ZSWIM6: variants seen among roughly 807,000 people sequenced by gnomAD.
ZSWIM6 encodes the protein zinc finger SWIM domain-containing protein 6.
In ZSWIM6, 9 loss-of-function variants were observed where a neutral mutation model predicts 113.2. The observed-to-expected ratio is 0.08, with a 90% confidence interval of 0.05 to 0.14. The LOEUF (loss-of-function observed/expected upper bound fraction) is 0.14, where lower values mean the gene tolerates loss of function less well. Ranked by LOEUF, ZSWIM6 falls within the 10% of genes least tolerant of loss-of-function variation. The probability of loss-of-function intolerance (pLI) is 1.00; values close to 1 mark genes in which losing one functional copy is unlikely to be tolerated. For synonymous variants in ZSWIM6, 611 were observed against 606.5 expected (o/e 1.01, Z -0.11); for missense variants, 1,162 against 1,552.2 (o/e 0.75, Z 4.22).
At chr5:61,488,740 G>T (rs140801706) in intron 2 of ZSWIM6, among the ~76,000 whole-genome samples, 2 of 151,168 alleles carry the variant, frequency 1.3e-5, no homozygotes, top group African/African-American at 4.8e-5. Context: ...ATCATTAATT[G>T]CCTGAAAAGT....
chr5:61,406,923 G>C (rs189942559), intron 1 of ZSWIM6, among the ~76,000 whole-genome samples: 1,704 of 152,204 alleles, frequency 0.011, 25 homozygotes, highest in African/African-American at 0.038. Flanking sequence ...ATGTTGGCCA[G>C]GCTGGTCTCG....
chr5:61,419,958 A>G (rs1460390121), intron 1 of ZSWIM6, among the ~76,000 whole-genome samples: 1 of 152,256 alleles, frequency 6.6e-6, no homozygotes. Flanking sequence ...GCCCTTTACT[A>G]GAAACATGGA....
chr5:61,348,094 G>A (rs375751798), intron 1 of ZSWIM6, among the ~76,000 whole-genome samples: 12 of 152,112 alleles, frequency 7.9e-5, no homozygotes, highest in African/African-American at 2.4e-4. Context: ...GGTGGCGGGC[G>A]CCTGTAGTCC....
intron 1 of ZSWIM6, among the ~76,000 whole-genome samples, chr5:61,469,760 T>C (rs6895046): frequency 0.54 from 82,681 of 151,754 alleles, 23,304 homozygotes; most frequent in African/African-American, 0.65. Flanking sequence ...AGTGCAGTGG[T>C]GCAATCTTGG....
chr5:61,398,625 T>C (rs1305069540), intron 1 of ZSWIM6, among the ~76,000 whole-genome samples: 2 of 152,152 alleles, frequency 1.3e-5, no homozygotes, highest in Non-Finnish European at 2.9e-5. Context: ...TTTTTCCTTA[T>C]CTGTAAAATT....
chr5:61,494,153 G>A (rs1748259375), intron 3 of ZSWIM6, 107 bp from the exon 4 acceptor site: 1 of 1,232,522 alleles, frequency 8.1e-7, no homozygotes, highest in East Asian at 2.6e-5. Context: ...CACGGAGAGA[G>A]AGAGAGAGAA....
intron 1 of ZSWIM6, among the ~76,000 whole-genome samples, chr5:61,431,549 T>C (rs566601423): frequency 2.9e-3 from 446 of 151,208 alleles, no homozygotes; most frequent in Non-Finnish European, 5.5e-3. Context: ...ATAGAGACCA[T>C]CCTGGCTAAT....
At chr5:61,489,856 G>A (rs1405230319) in intron 2 of ZSWIM6, among the ~76,000 whole-genome samples, 1 of 151,986 alleles carries the variant, frequency 6.6e-6, no homozygotes, top group African/African-American at 2.4e-5. Context: ...GGGACTAGTA[G>A]GCCTTGGTTC....
Position 61,332,876 on chromosome 5 carries a change from G to C in ZSWIM6, c.604G>C (p.Glu202Gln), listed in dbSNP as rs1385497734. The change falls in exon 1 of 14, where the codon GAG (glutamate) becomes CAG (glutamine). Residue 202 changes from glutamate (E) to glutamine (Q), a missense_variant. Glu to Gln is a conservative substitution (Grantham distance 29). This residue lies in a region of ZSWIM6 where 333 missense variants were observed against 293.4 expected (regional missense o/e 1.13). Transcript: ENST00000252744. ...TGCCGGGGCGGCGGACGGCGGCGAC[G>C]AGACGCGGCTGCCTTTCCGCCGGGG... ...GAAGAADGGD[E>Q]TRLPFRRGIA... 1 of 1,282,816 alleles carries C rather than the reference G, an allele frequency of 7.8e-7. No individual in the cohort carries two copies. Among genetic ancestry groups the C allele is most frequent in the Non-Finnish European group, 1.0e-6 (1 of 996,882 alleles). The allele number at this position is 1,282,816 out of a possible 1,614,324, so 79.5% of individuals were successfully genotyped here. A position where few individuals can be genotyped will look rare whatever the true frequency, so the allele number is the denominator to read the frequency against.
chr5:61,357,869 T>TA (rs1185476142), intron 1 of ZSWIM6, among the ~76,000 whole-genome samples: 28 of 150,746 alleles, frequency 1.9e-4, no homozygotes, highest in Non-Finnish European at 3.8e-4. Context: ...TTTGAAGGAT[T>TA]AAAAAAAAAA....
intron 1 of ZSWIM6, among the ~76,000 whole-genome samples, chr5:61,381,356 G>T (rs142014090): frequency 2.5e-3 from 388 of 152,350 alleles, no homozygotes; most frequent in African/African-American, 8.9e-3. Context: ...GTTCCTTGTA[G>T]TATGTAATAT....
intron 1 of ZSWIM6, among the ~76,000 whole-genome samples, chr5:61,336,332 A>C (rs1744394704): frequency 6.6e-6 from 1 of 152,238 alleles, no homozygotes; most frequent in African/African-American, 2.4e-5. Flanking sequence ...GTATATAAGT[A>C]TTATCGACAT....
At chr5:61,342,102 A>G (rs1298267266) in intron 1 of ZSWIM6, among the ~76,000 whole-genome samples, 1 of 151,820 alleles carries the variant, frequency 6.6e-6, no homozygotes, top group Non-Finnish European at 1.5e-5. Context: ...CTAGTCTTGC[A>G]CTCCTGACCT....
intron 1 of ZSWIM6, among the ~76,000 whole-genome samples, chr5:61,443,306 C>G (rs1579998982): frequency 6.6e-6 from 1 of 152,154 alleles, no homozygotes; most frequent in Admixed American, 6.5e-5. Flanking sequence ...GCATAATAAT[C>G]ATAATCATTA....
intron 1 of ZSWIM6, among the ~76,000 whole-genome samples, chr5:61,397,225 A>G (rs980827948): frequency 2.0e-5 from 3 of 152,340 alleles, no homozygotes; most frequent in Admixed American, 2.0e-4. Context: ...ACATTATCCC[A>G]GTTGTGTGTA....
intron 1 of ZSWIM6, among the ~76,000 whole-genome samples, chr5:61,464,845 G>A (rs1201884114): frequency 2.0e-5 from 3 of 152,196 alleles, no homozygotes; most frequent in Non-Finnish European, 2.9e-5. Context: ...CTTCCTCCTC[G>A]TTTACACCCG....
chr5:61,497,100 C>T (rs1233645492), intron 4 of ZSWIM6, among the ~76,000 whole-genome samples: 1 of 129,476 alleles, frequency 7.7e-6, no homozygotes, highest in African/African-American at 2.9e-5. Flanking sequence ...GTGACCAGTA[C>T]ACCAGGAAAA....
chr5:61,493,315 G>GCACATAATTA (rs1748229519), intron 3 of ZSWIM6, among the ~76,000 whole-genome samples: 2 of 152,090 alleles, frequency 1.3e-5, no homozygotes, highest in Non-Finnish European at 2.9e-5. Flanking sequence ...ACTTAAGTGA[G>GCACATAATTA]AGAGAACCTT....
At chr5:61,442,310 G>T (rs1306444673) in intron 1 of ZSWIM6, among the ~76,000 whole-genome samples, 1 of 152,118 alleles carries the variant, frequency 6.6e-6, no homozygotes, top group Non-Finnish European at 1.5e-5. Context: ...TCAGTTCTGT[G>T]GGACAGTTGG....
Sources: allele counts gnomAD v4.1 joint callset (sites outside exome capture counted in the v4.1 genomes callset), GRCh38; gene constraint gnomAD v4.1.1; regional missense constraint gnomAD v4.1.1; transcripts MANE v1.5; gene names NCBI Gene and HGNC (gene_info 2026-07-23, HGNC 2026-07-21).